The following KCNC1 variants were observed in gnomAD, a reference collection of about 807,000 sequenced individuals.
The protein encoded by KCNC1 is potassium voltage-gated channel subfamily C member 1, also known as voltage-gated potassium channel KCNC1.
In KCNC1, 8 loss-of-function variants were observed where a neutral mutation model predicts 43.4. That is an observed-to-expected ratio of 0.18 (90% CI 0.11 to 0.33). The LOEUF is 0.33. KCNC1 is among the 10% of genes least tolerant of loss of function. The pLI is 1.00. For missense variants in KCNC1, 420 were observed against 836.0 expected, an observed-to-expected ratio of 0.50 and a Z score of 6.14; for synonymous variants, 361 against 360.5, an observed-to-expected ratio of 1.00 and a Z score of -0.01.
Position 17,742,633 on chromosome 11 carries a change from G to T in KCNC1, c.570+6061G>T, listed in dbSNP as rs564805318. 6.6e-6 allele frequency among the ~76,000 whole-genome samples: 1 copy of T among 152,330 alleles called. No individual in the cohort carries two copies. Among genetic ancestry groups the T allele is most frequent in the Non-Finnish European group, 1.5e-5 (1 of 68,012 alleles). ...AGTCCTTATTCAGGGGAACCATTTA[G>T]GTGGTAGGGACCACTTCACATATGC... On this transcript the variant is annotated intron_variant, in intron 1 of 3. Transcript: ENST00000265969. The surrounding 1 kb of genome is among the most constrained non-coding windows in gnomAD (Gnocchi z 4.2).
chr11:17,735,749 A>G lies in KCNC1; in HGVS notation c.-254A>G. On this transcript the variant is annotated 5_prime_UTR_variant, in exon 1 of 4. Transcript: ENST00000265969. This position sits in a 1 kb window ranked among gnomAD's most constrained non-coding sequence, Gnocchi z 6.7. ...CCTCCTCTGCCTCCTCCGCTGCCGG[A>G]CCAGCTCCCTCCCACATCTGGCTCC... 1 of 259,394 alleles carries G rather than the reference A, an allele frequency of 3.9e-6. No individual in the cohort carries two copies. The highest frequency in any genetic ancestry group is 7.2e-6 in the Non-Finnish European group (1 of 139,800). 16.1% of individuals were successfully genotyped at this position (259,394 alleles called of 1,614,324 possible). A position where few individuals can be genotyped will look rare whatever the true frequency, so the allele number is the denominator to read the frequency against.
At position 17,773,171 on chromosome 11, in the gene KCNC1, C is replaced by T. The variant is rs1339434153; in HGVS notation, c.1504+573C>T. 1.7e-5 allele frequency: 17 copies of T among 986,496 alleles called. No individual in the cohort carries two copies. In the South Asian group the frequency reaches 1.9e-4, roughly 11 times the overall value. 61.1% of individuals were successfully genotyped at this position (986,496 alleles called of 1,614,324 possible). ...CTGAGTAGAATTCCTGCCCTGATTT[C>T]GGGCTGCCCAGCTCGAGGTCCTTCC... On this transcript the variant is annotated intron_variant, in intron 2 of 3. Coordinates refer to ENST00000265969, the MANE Select transcript of KCNC1 (RefSeq NM_001112741.2). This position sits in a 1 kb window ranked among gnomAD's most constrained non-coding sequence, Gnocchi z 4.1.
chr11:17,738,437 C>T (rs1848796134), intron 1 of KCNC1, among the ~76,000 whole-genome samples: 2 of 152,170 alleles, frequency 1.3e-5, no homozygotes, highest in Non-Finnish European at 2.9e-5. Context: ...TGACCTTGGG[C>T]AGCATCTCCC....
rs543092205 is a variant in KCNC1, at chr11:17,739,999, C to T, written c.570+3427C>T. On this transcript the variant is annotated intron_variant, in intron 1 of 3. Transcript: ENST00000265969. This position sits in a 1 kb window ranked among gnomAD's most constrained non-coding sequence, Gnocchi z 4.2. ...GGCCTAACTGAGGGCATTTCCTTTCCTCAGTAGAGATGCTTTTCTGCCCAG... is the reference window on the plus strand; with the variant it reads ...GGCCTAACTGAGGGCATTTCCTTTCTTCAGTAGAGATGCTTTTCTGCCCAG... Among the ~76,000 whole-genome samples, 78 of 152,318 alleles carry T rather than the reference C, an allele frequency of 5.1e-4. No individual in the cohort carries two copies. The highest frequency in any genetic ancestry group is 6.9e-4 in the Non-Finnish European group (47 of 68,026).
chr11:17,740,282 G>A (rs1435493202), intron 1 of KCNC1, among the ~76,000 whole-genome samples: 4 of 152,170 alleles, frequency 2.6e-5, no homozygotes, highest in Non-Finnish European at 5.9e-5. Context: ...TGGGTTGGGG[G>A]GTGGTGCCCC....
intron 1 of KCNC1, among the ~76,000 whole-genome samples, chr11:17,760,516 T>A (rs1446806277): frequency 6.6e-6 from 1 of 152,164 alleles, no homozygotes; most frequent in Non-Finnish European, 1.5e-5. Flanking sequence ...GATTGGTCCT[T>A]CTGGGGACTA....
intron 1 of KCNC1, among the ~76,000 whole-genome samples, chr11:17,747,026 C>T (rs937337470): frequency 1.3e-5 from 2 of 152,158 alleles, no homozygotes; most frequent in African/African-American, 4.8e-5. Flanking sequence ...AGCTCTCGGC[C>T]CTGCGAGATT....
intron 1 of KCNC1, among the ~76,000 whole-genome samples, chr11:17,741,799 G>T (rs1444597588): frequency 6.6e-6 from 1 of 152,160 alleles, no homozygotes; most frequent in East Asian, 1.9e-4. Flanking sequence ...CACCTGCCAG[G>T]TTCCCCTGCC....
At chr11:17,754,283 A>C (rs1448651070) in intron 1 of KCNC1, among the ~76,000 whole-genome samples, 1 of 152,252 alleles carries the variant, frequency 6.6e-6, no homozygotes, top group African/African-American at 2.4e-5. Context: ...CATAGCTGAA[A>C]GATCAGTGAT....
chr11:17,776,311 G>A lies in KCNC1; in HGVS notation c.1505-3145G>A, dbSNP rs1849286868. On this transcript the variant is annotated intron_variant, in intron 2 of 3. Coordinates refer to ENST00000265969, the MANE Select transcript of KCNC1 (RefSeq NM_001112741.2). This position sits in a 1 kb window ranked among gnomAD's most constrained non-coding sequence, Gnocchi z 4.4. The stretch of plus-strand genomic sequence containing the variant: ...CACAGACTGTCCCCATTTAGCCTGA[G>A]ACTTTTTTCCTGAGTCCCCAGCTGG... The A allele has an allele frequency of 1.0e-6, 1 of 985,038 alleles. No homozygotes were observed. Among genetic ancestry groups the A allele is most frequent in the South Asian group, 4.7e-5 (1 of 21,276 alleles). The allele number at this position is 985,038 out of a possible 1,614,324, so 61.0% of individuals were successfully genotyped here.
intron 1 of KCNC1, among the ~76,000 whole-genome samples, chr11:17,770,213 G>C (rs1849208680): frequency 6.6e-6 from 1 of 152,276 alleles, no homozygotes; most frequent in Admixed American, 6.5e-5. Flanking sequence ...GACACAGGGC[G>C]CGACCTTGGC....
At position 17,772,742 on chromosome 11, in the gene KCNC1, GC is replaced by G. The variant is rs997596032; in HGVS notation, c.1504+147del. 9.4e-6 allele frequency: 14 copies of G among 1,497,114 alleles called. No homozygotes were observed. The Admixed American group carries it at 1.9e-4, about 20-fold the overall frequency. 92.7% of individuals were successfully genotyped at this position (1,497,114 alleles called of 1,614,324 possible). On this transcript the variant is annotated intron_variant, in intron 2 of 3. Coordinates refer to ENST00000265969, the MANE Select transcript of KCNC1 (RefSeq NM_001112741.2). ...CAGTCTGGAGGTGTGGAGCCTGGGG[GC>G]CCAGGGAGATGCTGGGCGGCCAAAT...
At chr11:17,751,573 G>C (rs973988241) in intron 1 of KCNC1, among the ~76,000 whole-genome samples, 3 of 152,228 alleles carry the variant, frequency 2.0e-5, no homozygotes, top group African/African-American at 7.2e-5. Context: ...CAGAAAGTGG[G>C]ACTGCCAGAT....
intron 2 of KCNC1, chr11:17,775,950 C>T: frequency 1.0e-6 from 1 of 985,314 alleles, no homozygotes; most frequent in South Asian, 4.7e-5. Context: ...TGCTGGGCAG[C>T]AGTGGCTGCC....
Position 17,772,561 on chromosome 11 carries a change from G to A in KCNC1, c.1467G>A (p.Pro489=), listed in dbSNP as rs370905066. Residue 489 remains proline (P), a synonymous_variant, in exon 2 of 4, where the codon CCG becomes CCA. Coordinates refer to ENST00000265969, the MANE Select transcript of KCNC1 (RefSeq NM_001112741.2). ...PHHSTQSDTC[P]LAQEEILEIN... ...ACAGTACTCAGAGTGACACATGTCC[G>A]CTGGCCCAGGAAGAAATTTTAGAAA... 46 of 1,613,312 alleles carry A rather than the reference G, an allele frequency of 2.9e-5. No homozygotes were observed. The highest frequency in any genetic ancestry group is 6.7e-5 in the African/African-American group (5 of 74,884).
At position 17,739,198 on chromosome 11, in the gene KCNC1, C is replaced by T. The variant is rs938364268; in HGVS notation, c.570+2626C>T. Reference sequence around the variant, plus strand: ...CCCGAGACTCCTCACACCAGCGGGTCGGGACTTAAGTCGTTATTCTAGATC... The same window carrying T: ...CCCGAGACTCCTCACACCAGCGGGTTGGGACTTAAGTCGTTATTCTAGATC... On this transcript the variant is annotated intron_variant, in intron 1 of 3. Coordinates refer to ENST00000265969, the MANE Select transcript of KCNC1 (RefSeq NM_001112741.2). The surrounding 1 kb of genome is among the most constrained non-coding windows in gnomAD (Gnocchi z 4.2). Among the ~76,000 whole-genome samples the T allele has an allele frequency of 2.0e-5, 3 of 152,130 alleles. No individual in the cohort carries two copies. Among genetic ancestry groups the T allele is most frequent in the Admixed American group, 6.5e-5 (1 of 15,280 alleles).
chr11:17,777,993 T>C lies in KCNC1; in HGVS notation c.1505-1463T>C, dbSNP rs1590109205. 6.6e-6 allele frequency among the ~76,000 whole-genome samples: 1 copy of C among 152,128 alleles called. No individual in the cohort carries two copies. Among genetic ancestry groups the C allele is most frequent in the African/African-American group, 2.4e-5 (1 of 41,428 alleles). On this transcript the variant is annotated intron_variant, in intron 2 of 3. Coordinates refer to ENST00000265969, the MANE Select transcript of KCNC1 (RefSeq NM_001112741.2). The surrounding 1 kb of genome is among the most constrained non-coding windows in gnomAD (Gnocchi z 4.3). ...AATCGGGTGGACATTGTCTCCAGCC[T>C]TTTCCCCCCACTCTACTCTTTCAGA...
At position 17,776,709 on chromosome 11, in the gene KCNC1, C is replaced by A. The variant is rs1252243060; in HGVS notation, c.1505-2747C>A. The stretch of plus-strand genomic sequence containing the variant: ...TCTGGAAAGCAGGTGGGAATGGAGG[C>A]TCCTAGCCACTATCTCATCCAAAGG... On this transcript the variant is annotated intron_variant, in intron 2 of 3. Coordinates refer to ENST00000265969, the MANE Select transcript of KCNC1 (RefSeq NM_001112741.2). The surrounding 1 kb of genome is among the most constrained non-coding windows in gnomAD (Gnocchi z 4.4). The A allele has an allele frequency of 1.0e-6, 1 of 985,174 alleles. No individual in the cohort carries two copies. Among genetic ancestry groups the A allele is most frequent in the Non-Finnish European group, 1.2e-6 (1 of 829,928 alleles). 61.0% of individuals were successfully genotyped at this position (985,174 alleles called of 1,614,324 possible). A position where few individuals can be genotyped will look rare whatever the true frequency, so the allele number is the denominator to read the frequency against.
In KCNC1 at chr11:17,742,168, G is replaced by A. The variant is rs970428658; in HGVS notation, c.570+5596G>A. On this transcript the variant is annotated intron_variant, in intron 1 of 3. Transcript: ENST00000265969. The surrounding 1 kb of genome is among the most constrained non-coding windows in gnomAD (Gnocchi z 4.2). Reference sequence around the variant, plus strand: ...TAGCTGAGGGCTGGCTGGGAAACTCGTATCTCCTGACTCCTGGCTCACAGG... The same window carrying A: ...TAGCTGAGGGCTGGCTGGGAAACTCATATCTCCTGACTCCTGGCTCACAGG... Among the ~76,000 whole-genome samples the A allele has an allele frequency of 1.3e-5, 2 of 152,228 alleles. No homozygotes were observed. Among genetic ancestry groups the A allele is most frequent in the South Asian group, 2.1e-4 (1 of 4,832 alleles).
Sources: allele counts gnomAD v4.1 joint callset (sites outside exome capture counted in the v4.1 genomes callset), GRCh38; gene constraint gnomAD v4.1.1; non-coding constraint Gnocchi (gnomAD v3.1); transcripts MANE v1.5; gene names NCBI Gene and HGNC (gene_info 2026-07-23, HGNC 2026-07-21).